GRAMD1B: variants seen among roughly 807,000 people sequenced by gnomAD.
GRAMD1B encodes protein Aster-B.
In GRAMD1B, 37 loss-of-function variants were observed where a neutral mutation model predicts 99.7. The ratio of observed to expected loss-of-function variants is 0.37; its 90% CI spans 0.29 to 0.49. The LOEUF is 0.49. Among genes scored for constraint, GRAMD1B ranks in the 20% least tolerant of loss-of-function variants. The pLI is 0.98. For synonymous variants in GRAMD1B, 427 were observed against 387.6 expected, an observed-to-expected ratio of 1.10 and a Z score of -1.19; for missense variants, 888 against 1,009.2, an observed-to-expected ratio of 0.88 and a Z score of 1.63.
At chr11:123,386,567 A>AGCTACCCAGCATG (rs1277857161) in intron 1 of GRAMD1B, among the ~76,000 whole-genome samples, 11 of 151,656 alleles carry the variant, frequency 7.3e-5, no homozygotes, top group African/African-American at 2.2e-4. Flanking sequence ...CCTTCCAAGT[A>AGCTACCCAGCATG]GCTGGGATTA....
intron 1 of GRAMD1B, among the ~76,000 whole-genome samples, chr11:123,414,272 T>C (rs1565483552): frequency 6.6e-6 from 1 of 152,322 alleles, no homozygotes; most frequent in East Asian, 1.9e-4. Context: ...GTTGAACTCC[T>C]GACCTCAGGT....
chr11:123,476,072 G>A (rs1471743801), intron 1 of GRAMD1B, among the ~76,000 whole-genome samples: 1 of 151,862 alleles, frequency 6.6e-6, no homozygotes, highest in African/African-American at 2.4e-5. Context: ...GGGATTGAGT[G>A]GAGGAGTGGT....
intron 2 of GRAMD1B, among the ~76,000 whole-genome samples, chr11:123,523,902 C>T (rs553462037): frequency 1.3e-5 from 2 of 152,328 alleles, no homozygotes; most frequent in South Asian, 4.1e-4. Context: ...GAAGTCCTGG[C>T]AGCATTTGGG....
chr11:123,383,058 G>C (rs541195888), intron 1 of GRAMD1B, among the ~76,000 whole-genome samples: 16 of 152,254 alleles, frequency 1.1e-4, no homozygotes, highest in African/African-American at 3.9e-4. Context: ...GTAGCAAGAT[G>C]GGGGGATCTA....
intron 2 of GRAMD1B, among the ~76,000 whole-genome samples, chr11:123,538,735 T>A (rs1322475648): frequency 6.6e-6 from 1 of 152,050 alleles, no homozygotes; most frequent in East Asian, 1.9e-4. Context: ...TCCTCCCACC[T>A]TAACCTCCTG....
At chr11:123,522,471 A>C (rs975435369) in intron 2 of GRAMD1B, among the ~76,000 whole-genome samples, 1 of 152,022 alleles carries the variant, frequency 6.6e-6, no homozygotes, top group Non-Finnish European at 1.5e-5. Context: ...GGCGTGCCCT[A>C]CCACGCGTGG....
At chr11:123,368,426 A>G (rs1000962344) in intron 1 of GRAMD1B, among the ~76,000 whole-genome samples, 1 of 151,844 alleles carries the variant, frequency 6.6e-6, no homozygotes, top group Admixed American at 6.6e-5. Flanking sequence ...CACAGCTGTA[A>G]TCCCAGCACT....
At chr11:123,481,737 C>T in intron 2 of GRAMD1B, among the ~76,000 whole-genome samples, 1 of 152,208 alleles carries the variant, frequency 6.6e-6, no homozygotes, top group East Asian at 1.9e-4. Context: ...CAGCCAGCAC[C>T]TGCTTCATGC....
At chr11:123,519,022 G>A (rs952723870) in intron 2 of GRAMD1B, among the ~76,000 whole-genome samples, 7 of 152,208 alleles carry the variant, frequency 4.6e-5, no homozygotes, top group Non-Finnish European at 1.0e-4. Context: ...GAAGCAAACA[G>A]CCCCGCTTTG....
At chr11:123,525,846 T>C in intron 2 of GRAMD1B, 1 of 471,174 alleles carries the variant, frequency 2.1e-6, no homozygotes, top group East Asian at 3.9e-5. Context: ...TTACCCATCC[T>C]CATCAGAAAC....
At chr11:123,402,346 G>A (rs983187318) in intron 1 of GRAMD1B, among the ~76,000 whole-genome samples, 2 of 152,102 alleles carry the variant, frequency 1.3e-5, no homozygotes, top group Non-Finnish European at 2.9e-5. Flanking sequence ...TCTGCTTTCT[G>A]GTTTATGTCT....
Position 123,526,769 on chromosome 11 carries a change from G to A in GRAMD1B, c.452+45876G>A, listed in dbSNP as rs145605704. Reference sequence around the variant, plus strand: ...TGGGCCTTTGCAAGTGCCTGTTCCTGGGCTTAATCTTGGGACATTAAAGGC... The same window carrying A: ...TGGGCCTTTGCAAGTGCCTGTTCCTAGGCTTAATCTTGGGACATTAAAGGC... On this transcript the variant is annotated intron_variant, in intron 2 of 19. Transcript: ENST00000635736. Among the ~76,000 whole-genome samples the A allele has an allele frequency of 3.6e-3, 547 of 152,302 alleles. 3 individuals carry two copies. Among genetic ancestry groups the A allele is most frequent in the African/African-American group, 0.013 (528 of 41,560 alleles).
intron 1 of GRAMD1B, among the ~76,000 whole-genome samples, chr11:123,409,504 C>T (rs1417755528): frequency 6.6e-6 from 1 of 152,178 alleles, no homozygotes; most frequent in Non-Finnish European, 1.5e-5. Flanking sequence ...TGGTGTCTGT[C>T]TTTCCTGCCC....
intron 1 of GRAMD1B, among the ~76,000 whole-genome samples, chr11:123,466,382 GAGAA>G (rs981968610): frequency 7.9e-5 from 11 of 138,962 alleles, no homozygotes; most frequent in Middle Eastern, 3.5e-3. Flanking sequence ...GAAAGAGAGA[GAGAA>G]AGAAAGAAAA....
intron 1 of GRAMD1B, among the ~76,000 whole-genome samples, chr11:123,441,508 A>G (rs1949405441): frequency 6.6e-6 from 1 of 152,146 alleles, no homozygotes; most frequent in African/African-American, 2.4e-5. Context: ...AGGGCCAGGC[A>G]TGGTGGCTTG....
chr11:123,500,459 AT>A (rs1001174674), intron 2 of GRAMD1B, among the ~76,000 whole-genome samples: 15 of 152,194 alleles, frequency 9.9e-5, no homozygotes, highest in African/African-American at 3.6e-4. Context: ...ATATGCTTGT[AT>A]GTTATTCACT....
intron 1 of GRAMD1B, among the ~76,000 whole-genome samples, chr11:123,385,076 T>C (rs77648459): frequency 0.025 from 3,762 of 152,338 alleles, 154 homozygotes; most frequent in African/African-American, 0.086. Context: ...TCATCTGACC[T>C]GGAATTATCT....
At chr11:123,412,024 A>G (rs527337914) in intron 1 of GRAMD1B, among the ~76,000 whole-genome samples, 1 of 152,218 alleles carries the variant, frequency 6.6e-6, no homozygotes, top group Non-Finnish European at 1.5e-5. Context: ...TTATATATAA[A>G]TACATGTGTT....
Position 123,435,712 on chromosome 11 carries a change from T to G in GRAMD1B, c.374+4546T>G, listed in dbSNP as rs111586790. On this transcript the variant is annotated intron_variant, in intron 1 of 19. Transcript: ENST00000635736. The stretch of plus-strand genomic sequence containing the variant: ...AAATAAATGATTCCTTTTTCTCTAC[T>G]GTTTAAAGTGAAATTCTTTTATTCA... 2.3e-3 allele frequency: 919 copies of G among 397,930 alleles called. 7 individuals carry two copies. The highest frequency in any genetic ancestry group is 0.015 in the African/African-American group (759 of 49,562). The allele number at this position is 397,930 out of a possible 1,614,324, so 24.6% of individuals were successfully genotyped here. A position where few individuals can be genotyped will look rare whatever the true frequency, so the allele number is the denominator to read the frequency against.
Sources: gnomAD v4.1 joint callset for allele counts (sites outside exome capture counted in the v4.1 genomes callset) on GRCh38, gnomAD v4.1.1 for gene constraint, MANE v1.5 for transcripts, NCBI Gene and HGNC (gene_info 2026-07-23, HGNC 2026-07-21) for gene names.